DGKB: variants seen among roughly 807,000 people sequenced by gnomAD.
DGKB encodes diacylglycerol kinase beta.
Under a neutral mutation model 114.3 loss-of-function variants are expected in DGKB, and 67 were observed. That is an observed-to-expected ratio of 0.59 (90% CI 0.48 to 0.72). The LOEUF (loss-of-function observed/expected upper bound fraction) is 0.72, where lower values mean the gene tolerates loss of function less well. Ranked by LOEUF, DGKB falls within the 30% of genes least tolerant of loss-of-function variation. DGKB has a pLI of 0.00. For missense variants in DGKB, 907 were observed against 975.2 expected, an observed-to-expected ratio of 0.93 and a Z score of 0.93; for synonymous variants, 398 against 323.1, an observed-to-expected ratio of 1.23 and a Z score of -2.49.
At position 14,279,209 on chromosome 7, in the gene DGKB, C is replaced by T. The variant is rs146632770; in HGVS notation, c.2122+59306G>A. ...AATGGCGCACCACGAGATTATATCC[C>T]GCACGTGGCTCGGAGGGTCCTACCC... On this transcript the variant is annotated intron_variant, in intron 23 of 25. Transcript: ENST00000402815. Among the ~76,000 whole-genome samples the T allele has an allele frequency of 3.7e-4, 56 of 149,476 alleles. No individual in the cohort carries two copies. In the East Asian group the frequency reaches 4.3e-3, roughly 11 times the overall value.
At chr7:14,726,534 T>C (rs1168300344) in intron 5 of DGKB, among the ~76,000 whole-genome samples, 3 of 152,166 alleles carry the variant, frequency 2.0e-5, no homozygotes, top group African/African-American at 7.2e-5. Context: ...GACCTTTGTT[T>C]TAAGAGTCTG....
At chr7:14,515,317 T>C (rs1240485747) in intron 20 of DGKB, among the ~76,000 whole-genome samples, 2 of 152,174 alleles carry the variant, frequency 1.3e-5, no homozygotes, top group African/African-American at 2.4e-5. Flanking sequence ...CTGTGATTAT[T>C]TGCCAGGAAA....
intron 22 of DGKB, among the ~76,000 whole-genome samples, chr7:14,342,106 C>CT (rs1339880358): frequency 6.6e-6 from 1 of 151,760 alleles, no homozygotes; most frequent in Non-Finnish European, 1.5e-5. Context: ...AGAATATTGT[C>CT]TTTTGAATCC....
intron 21 of DGKB, among the ~76,000 whole-genome samples, chr7:14,441,834 A>G (rs1305864535): frequency 2.0e-5 from 3 of 151,910 alleles, no homozygotes; most frequent in Non-Finnish European, 4.4e-5. Flanking sequence ...ATTTTTATAT[A>G]TGTTCTCCTT....
At chr7:14,841,151 C>T (rs1847878316) in intron 2 of DGKB, 43 bp downstream of exon 2, 3 of 1,500,994 alleles carry the variant, frequency 2.0e-6, no homozygotes, top group Non-Finnish European at 2.8e-6. Context: ...CTTTGTCTAG[C>T]ACAAATGTCA....
chr7:14,589,184 A>G (rs905031793), intron 17 of DGKB, among the ~76,000 whole-genome samples: 3 of 151,974 alleles, frequency 2.0e-5, no homozygotes, highest in East Asian at 1.9e-4. Flanking sequence ...GTTTATTAAT[A>G]TTAATATTTT....
intron 2 of DGKB, among the ~76,000 whole-genome samples, chr7:14,805,506 A>G (rs1842683282): frequency 6.6e-6 from 1 of 151,882 alleles, no homozygotes; most frequent in African/African-American, 2.4e-5. Context: ...CTCACTTTTC[A>G]TGGTTTTTTT....
At chr7:14,891,910 C>A (rs1166276215) in intron 1 of DGKB, among the ~76,000 whole-genome samples, 1 of 151,202 alleles carries the variant, frequency 6.6e-6, no homozygotes, top group African/African-American at 2.4e-5. Context: ...ATTATGACAC[C>A]AGTTTTCATA....
chr7:14,602,241 T>C (rs2128766972), intron 17 of DGKB, among the ~76,000 whole-genome samples: 1 of 152,168 alleles, frequency 6.6e-6, no homozygotes, highest in South Asian at 2.1e-4. Flanking sequence ...ATACCTTGAG[T>C]CTCATCCATA....
chr7:14,699,972 AATC>A (rs1006321863), intron 7 of DGKB, among the ~76,000 whole-genome samples: 2 of 152,090 alleles, frequency 1.3e-5, no homozygotes, highest in Admixed American at 6.6e-5. Context: ...CCTAGTAAAG[AATC>A]ATCATTTTAA....
chr7:14,574,477 ATAAT>A, intron 19 of DGKB, 105 bp from the exon 20 acceptor site: 1 of 946,262 alleles, frequency 1.1e-6, no homozygotes, highest in Non-Finnish European at 1.6e-6. Flanking sequence ...CTAAAGGTAA[ATAAT>A]GATTTTGAAG....
At chr7:14,342,121 A>C (rs1039543454) in intron 22 of DGKB, among the ~76,000 whole-genome samples, 1 of 151,708 alleles carries the variant, frequency 6.6e-6, no homozygotes, top group Non-Finnish European at 1.5e-5. Context: ...GAATCCTGCT[A>C]ATTTATTTTG....
intron 1 of DGKB, among the ~76,000 whole-genome samples, chr7:14,943,427 T>C (rs911641358): frequency 2.6e-5 from 4 of 151,948 alleles, no homozygotes; most frequent in Admixed American, 6.6e-5. Context: ...ACTTATTGAA[T>C]AGACACATTT....
At chr7:14,815,667 C>T (rs1435928417) in intron 2 of DGKB, among the ~76,000 whole-genome samples, 1 of 152,190 alleles carries the variant, frequency 6.6e-6, no homozygotes, top group African/African-American at 2.4e-5. Context: ...GACCCCATCC[C>T]CTGGGTTTAG....
chr7:14,721,151 A>C lies in DGKB; in HGVS notation c.323-2466T>G, dbSNP rs1829102075. ...TTCAGAACAAAACAAAAAAGAAAGA[A>C]AAGAATATGCTCTGACATTTATTTG... On this transcript the variant is annotated intron_variant, in intron 5 of 25. Coordinates refer to ENST00000402815, the MANE Select transcript of DGKB (RefSeq NM_001350709.2). Among the ~76,000 whole-genome samples, 6 of 152,354 alleles carry C rather than the reference A, an allele frequency of 3.9e-5. No homozygotes were observed. The South Asian group carries it at 1.2e-3, about 32-fold the overall frequency.
At chr7:14,580,570 C>A (rs114186090) in intron 19 of DGKB, among the ~76,000 whole-genome samples, 1 of 152,026 alleles carries the variant, frequency 6.6e-6, no homozygotes, top group African/African-American at 2.4e-5. Context: ...CCATGTGTAC[C>A]TTATTTTCTA....
chr7:14,375,766 C>T (rs1195058818), intron 21 of DGKB, among the ~76,000 whole-genome samples: 2 of 152,166 alleles, frequency 1.3e-5, no homozygotes, highest in African/African-American at 4.8e-5. Context: ...ACTTTGATTG[C>T]CTCTCTCCTC....
intron 23 of DGKB, among the ~76,000 whole-genome samples, chr7:14,259,033 A>C (rs1325620182): frequency 6.6e-6 from 1 of 152,198 alleles, no homozygotes; most frequent in Non-Finnish European, 1.5e-5. Flanking sequence ...ATTCAAAGCA[A>C]CCATTCTATA....
chr7:14,270,979 T>C (rs1222746181), intron 23 of DGKB, among the ~76,000 whole-genome samples: 1 of 152,228 alleles, frequency 6.6e-6, no homozygotes, highest in Non-Finnish European at 1.5e-5. Flanking sequence ...AATATCTTCT[T>C]TCCCATCTTA....
Sources: gnomAD v4.1 joint callset for allele counts (sites outside exome capture counted in the v4.1 genomes callset) on GRCh38, gnomAD v4.1.1 for gene constraint, MANE v1.5 for transcripts, NCBI Gene and HGNC (gene_info 2026-07-23, HGNC 2026-07-21) for gene names.